KIAA0040: variants seen among roughly 807,000 people sequenced by gnomAD.
The protein encoded by KIAA0040 is uncharacterized protein KIAA0040.
In KIAA0040, 10 loss-of-function variants were observed where a neutral mutation model predicts 7.2. The observed-to-expected ratio is 1.38, with a 90% CI of 0.85 to 2.34. The LOEUF is 2.34. Among genes scored for constraint, KIAA0040 ranks in the 30% most tolerant of loss-of-function variants. KIAA0040 has a pLI of 0.00. For synonymous variants in KIAA0040, 49 were observed against 40.1 expected (o/e 1.22, Z -0.84); for missense variants, 89 against 108.2 (o/e 0.82, Z 0.79).
intron 2 of KIAA0040, among the ~76,000 whole-genome samples, chr1:175,168,166 G>C (rs1676845194): frequency 6.6e-6 from 1 of 152,126 alleles, no homozygotes; most frequent in Non-Finnish European, 1.5e-5. Flanking sequence ...ATATTTTCTT[G>C]ATGGTTCTCA....
chr1:175,185,399 C>A (rs185591149), intron 1 of KIAA0040, among the ~76,000 whole-genome samples: 1 of 152,236 alleles, frequency 6.6e-6, no homozygotes, highest in African/African-American at 2.4e-5. Context: ...TCAGTTATAC[C>A]AAGAAGGGGC....
Position 175,174,365 on chromosome 1 carries a change from C to G in KIAA0040, c.-310+3246G>C, listed in dbSNP as rs1287072494. 1.3e-5 allele frequency among the ~76,000 whole-genome samples: 2 copies of G among 152,208 alleles called. 1 individual carries two copies. The highest frequency in any genetic ancestry group is 2.9e-5 in the Non-Finnish European group (2 of 68,042). Reference sequence around the variant, plus strand: ...AAAATGCCCCTGGGCACAATACAAACAGCTGGCCCAAGGGTGCAATTAAGC... The same window carrying G: ...AAAATGCCCCTGGGCACAATACAAAGAGCTGGCCCAAGGGTGCAATTAAGC... On this transcript the variant is annotated intron_variant, in intron 2 of 3. Transcript: ENST00000423313.
chr1:175,184,059 G>A (rs1232830684), intron 1 of KIAA0040, among the ~76,000 whole-genome samples: 1 of 152,190 alleles, frequency 6.6e-6, no homozygotes, highest in Non-Finnish European at 1.5e-5. Context: ...TTTATGCAAA[G>A]AGGAGTTGCA....
chr1:175,192,425 C>A (rs952468190), intron 1 of KIAA0040, among the ~76,000 whole-genome samples: 6 of 152,062 alleles, frequency 3.9e-5, no homozygotes, highest in Admixed American at 2.0e-4. Flanking sequence ...TCAGCCCAGG[C>A]GCAGAGAGGA....
intron 1 of KIAA0040, among the ~76,000 whole-genome samples, 190 bp downstream of exon 1, chr1:175,192,450 C>A (rs1268716796): frequency 6.6e-6 from 1 of 152,074 alleles, no homozygotes; most frequent in Non-Finnish European, 1.5e-5. Flanking sequence ...TCCTGAGAGT[C>A]CTCGCGAAGG....
rs1345012407 is a variant in KIAA0040 at position 175,159,298 on chromosome 1, C to A, written c.*1416G>T. ...GATCTAATTTACATGTCCTCACATA[C>A]CTCAAGGCACATGTGTCACCTACAT... is the stretch of plus-strand genomic sequence containing the variant. On this transcript the variant is annotated 3_prime_UTR_variant, in exon 4 of 4. Coordinates refer to ENST00000423313, the MANE Select transcript of KIAA0040 (RefSeq NM_014656.3). 5 of 152,266 alleles carry A rather than the reference C, an allele frequency of 3.3e-5. No individual in the cohort carries two copies. Among genetic ancestry groups the A allele is most frequent in the African/African-American group, 1.2e-4 (5 of 41,454 alleles). 9.4% of individuals were successfully genotyped at this position (152,266 alleles called of 1,614,324 possible). A position where few individuals can be genotyped will look rare whatever the true frequency, so the allele number is the denominator to read the frequency against.
rs751720954 is a variant in KIAA0040, at chr1:175,160,696, C to T, written c.*18G>A. On this transcript the variant is annotated 3_prime_UTR_variant, in exon 4 of 4. Transcript: ENST00000423313. ...GAGGCTTAGCCCCAGAAAGGAAACA[C>T]CTCTGCTTCCTGCCTAACTAAACAG... 5.2e-6 allele frequency: 8 copies of T among 1,536,050 alleles called. No homozygotes were observed. The East Asian group carries it at 7.4e-5, about 14-fold the overall frequency.
intron 2 of KIAA0040, among the ~76,000 whole-genome samples, chr1:175,175,015 G>A (rs984562433): frequency 6.6e-6 from 1 of 152,166 alleles, no homozygotes; most frequent in East Asian, 1.9e-4. Context: ...GCCAGAAGCC[G>A]AGGCTCTGAG....
At chr1:175,167,026 A>G (rs1676790728) in intron 2 of KIAA0040, among the ~76,000 whole-genome samples, 1 of 152,146 alleles carries the variant, frequency 6.6e-6, no homozygotes, top group African/African-American at 2.4e-5. Context: ...ACCAAACCAA[A>G]CATTCATCAA....
intron 1 of KIAA0040, among the ~76,000 whole-genome samples, chr1:175,178,932 T>A (rs1677319778): frequency 7.7e-6 from 1 of 130,128 alleles, no homozygotes; most frequent in African/African-American, 2.9e-5. Flanking sequence ...AGGAGAGAGA[T>A]CAATGCTGGT....
intron 1 of KIAA0040, among the ~76,000 whole-genome samples, chr1:175,180,445 T>A (rs2101901588): frequency 6.6e-6 from 1 of 152,348 alleles, no homozygotes; most frequent in East Asian, 1.9e-4. Context: ...TAGCCAGTTT[T>A]CCTTCTGCTC....
chr1:175,169,995 CTTA>C (rs1676923209), intron 2 of KIAA0040, among the ~76,000 whole-genome samples: 1 of 152,118 alleles, frequency 6.6e-6, no homozygotes, highest in African/African-American at 2.4e-5. Context: ...TGTTTGTGCA[CTTA>C]TTATCTCTCT....
intron 2 of KIAA0040, among the ~76,000 whole-genome samples, chr1:175,176,723 A>ATTTTTTTTTTTTTT: frequency 1.8e-5 from 1 of 56,002 alleles, no homozygotes; most frequent in Non-Finnish European, 3.7e-5. Context: ...TCTTTCTTTG[A>ATTTTTTTTTTTTTT]TATAGATGAC....
At chr1:175,183,933 T>G (rs4140637) in intron 1 of KIAA0040, among the ~76,000 whole-genome samples, 1 of 152,154 alleles carries the variant, frequency 6.6e-6, no homozygotes, top group Non-Finnish European at 1.5e-5. Context: ...CAGGTACACA[T>G]AGAAGAGCTT....
chr1:175,189,820 C>G lies in KIAA0040; in HGVS notation c.-384+2820G>C, dbSNP rs796219843. On this transcript the variant is annotated intron_variant, in intron 1 of 3. Transcript: ENST00000423313. ...TTGCCCTGGTGAGTAATAATTATCC[C>G]CATTTTAAATATAAGGGAAATGAAG... Among the ~76,000 whole-genome samples the G allele has an allele frequency of 3.4e-5, 5 of 147,018 alleles. No homozygotes were observed. In the South Asian group the frequency reaches 1.1e-3, roughly 33 times the overall value.
At chr1:175,189,658 C>T (rs530884844) in intron 1 of KIAA0040, among the ~76,000 whole-genome samples, 123 of 152,332 alleles carry the variant, frequency 8.1e-4, no homozygotes, top group African/African-American at 2.6e-3. Context: ...TACACCTACA[C>T]AGTCCGTCTA....
At chr1:175,162,712 T>C (rs1558388602) in intron 3 of KIAA0040, among the ~76,000 whole-genome samples, 1 of 152,142 alleles carries the variant, frequency 6.6e-6, no homozygotes, top group Non-Finnish European at 1.5e-5. Context: ...TTGGATAGCA[T>C]GCTCTATCAA....
In KIAA0040 at chr1:175,187,109, T is replaced by G. The variant is rs112326275; in HGVS notation, c.-384+5531A>C. ...TAAGCTAAGTCTGCAGGACTGGCCTTAAGAGTAACTTATTCTCTTTTGTTA... is the reference window on the plus strand; with the variant it reads ...TAAGCTAAGTCTGCAGGACTGGCCTGAAGAGTAACTTATTCTCTTTTGTTA... On this transcript the variant is annotated intron_variant, in intron 1 of 3. Coordinates refer to ENST00000423313, the MANE Select transcript of KIAA0040 (RefSeq NM_014656.3). Among the ~76,000 whole-genome samples the G allele has an allele frequency of 3.2e-3, 482 of 152,324 alleles. 2 individuals are homozygous for G. Among genetic ancestry groups the G allele is most frequent in the Non-Finnish European group, 5.3e-3 (360 of 68,014 alleles).
Position 175,192,659 on chromosome 1 carries a change from C to T in KIAA0040, c.-403G>A, listed in dbSNP as rs550408736. 7.2e-5 allele frequency: 11 copies of T among 152,198 alleles called. No homozygotes were observed. The East Asian group carries it at 1.9e-3, about 27-fold the overall frequency. The allele number at this position is 152,198 out of a possible 1,614,324, so 9.4% of individuals were successfully genotyped here. A position where few individuals can be genotyped will look rare whatever the true frequency, so the allele number is the denominator to read the frequency against. ...ACTCACCTTTCGGTCCGCGGAAGGG[C>T]TTCCTGCAGGCCCAGGGAATCTCCT... On this transcript the variant is annotated 5_prime_UTR_variant, in exon 1 of 4. Coordinates refer to ENST00000423313, the MANE Select transcript of KIAA0040 (RefSeq NM_014656.3).
Sources: gnomAD v4.1 joint callset for allele counts (sites outside exome capture counted in the v4.1 genomes callset) on GRCh38, gnomAD v4.1.1 for gene constraint, MANE v1.5 for transcripts, NCBI Gene and HGNC (gene_info 2026-07-23, HGNC 2026-07-21) for gene names.